The following TCF12 variants were observed in gnomAD, a reference collection of about 807,000 sequenced individuals.
TCF12 encodes the protein transcription factor 12, also known as DNA-binding protein HTF4.
TCF12 carries 45 observed loss-of-function variants against 86.0 expected under a neutral mutation model. The observed-to-expected ratio is 0.52, with a 90% confidence interval of 0.41 to 0.67. The LOEUF (loss-of-function observed/expected upper bound fraction) is 0.67, where lower values mean the gene tolerates loss of function less well. Ranked by LOEUF, TCF12 falls within the 30% of genes least tolerant of loss-of-function variation. TCF12 has a pLI of 0.00. For missense variants in TCF12, 881 were observed against 859.9 expected (o/e 1.02, Z -0.31); for synonymous variants, 330 against 299.6 (o/e 1.10, Z -1.05).
chr15:56,980,205 T>C (rs2062824626), intron 3 of TCF12, among the ~76,000 whole-genome samples: 1 of 152,144 alleles, frequency 6.6e-6, no homozygotes, highest in Non-Finnish European at 1.5e-5. Flanking sequence ...AAAAACAAAT[T>C]ATTTTTTAAA....
intron 4 of TCF12, among the ~76,000 whole-genome samples, chr15:57,085,238 G>A (rs1209081619): frequency 6.6e-6 from 1 of 152,126 alleles, no homozygotes; most frequent in Non-Finnish European, 1.5e-5. Flanking sequence ...TTATGAAGAG[G>A]AATAAAAAGT....
At chr15:57,285,270 AT>A (rs2061885919) in intron 20 of TCF12, among the ~76,000 whole-genome samples, 1 of 152,210 alleles carries the variant, frequency 6.6e-6, no homozygotes, top group Non-Finnish European at 1.5e-5. Context: ...CCCTAAGAGC[AT>A]TGCTGTGTAC....
chr15:56,952,193 C>CAA (rs756231262), intron 3 of TCF12, among the ~76,000 whole-genome samples: 1,756 of 151,722 alleles, frequency 0.012, 32 homozygotes, highest in African/African-American at 0.04. Flanking sequence ...TGTATATACA[C>CAA]ACACACACAC....
intron 5 of TCF12, among the ~76,000 whole-genome samples, chr15:57,160,034 TAAC>T (rs1314049398): frequency 6.6e-6 from 1 of 152,252 alleles, no homozygotes; most frequent in Non-Finnish European, 1.5e-5. Flanking sequence ...TTTCTATTGA[TAAC>T]AACAGAGCAC....
At position 57,270,540 on chromosome 15, in the gene TCF12, C is replaced by T. The variant is rs966641145; in HGVS notation, c.1746-2490C>T. On this transcript the variant is annotated intron_variant, in intron 18 of 20. Transcript: ENST00000333725. ...GCTTGGAGAACAGCTTTCTTATTAC[C>T]GACCTCCTGAAGCCTACTTCTGTCA... Among the ~76,000 whole-genome samples, 5 of 151,988 alleles carry T rather than the reference C, an allele frequency of 3.3e-5. 1 individual carries two copies. Among genetic ancestry groups the T allele is most frequent in the Non-Finnish European group, 5.9e-5 (4 of 67,954 alleles).
chr15:57,172,671 A>G (rs555174121), intron 6 of TCF12, among the ~76,000 whole-genome samples: 44 of 152,178 alleles, frequency 2.9e-4, no homozygotes, highest in African/African-American at 8.7e-4. Flanking sequence ...AAAAATAGCT[A>G]TTGGGTGCTA....
intron 6 of TCF12, among the ~76,000 whole-genome samples, chr15:57,173,450 T>C (rs1158211362): frequency 6.6e-6 from 1 of 151,960 alleles, no homozygotes; most frequent in Admixed American, 6.6e-5. Flanking sequence ...AACCAAAATT[T>C]GGCTATTTGA....
chr15:57,138,021 T>A lies in TCF12; in HGVS notation c.326-28381T>A, dbSNP rs1253176451. On this transcript the variant is annotated intron_variant, in intron 5 of 20. Coordinates refer to ENST00000333725, the MANE Select transcript of TCF12 (RefSeq NM_207037.2). ...TCCAGCCTGGCTGACAGAGTGAGAC[T>A]CTGTCTCAAAAGAAAAAAAAAAAAA... 3.4e-5 allele frequency among the ~76,000 whole-genome samples: 5 copies of A among 145,708 alleles called. No homozygotes were observed. In the East Asian group the frequency reaches 1.0e-3, roughly 29 times the overall value.
intron 3 of TCF12, among the ~76,000 whole-genome samples, chr15:56,927,930 A>G (rs1310700388): frequency 1.3e-5 from 2 of 152,286 alleles, no homozygotes; most frequent in East Asian, 3.9e-4. Context: ...TTGTGCTTGT[A>G]TACAAATGTG....
At chr15:56,929,360 A>G (rs2140249489) in intron 3 of TCF12, among the ~76,000 whole-genome samples, 1 of 152,368 alleles carries the variant, frequency 6.6e-6, no homozygotes, top group East Asian at 1.9e-4. Context: ...AAACTGAAGC[A>G]CAGATAGTTT....
chr15:57,182,100 T>C (rs532349817), intron 6 of TCF12, among the ~76,000 whole-genome samples: 2 of 152,304 alleles, frequency 1.3e-5, no homozygotes, highest in South Asian at 4.1e-4. Context: ...TAGTTCTATA[T>C]CCTCTGGGAT....
chr15:57,162,303 G>A (rs1159669479), intron 5 of TCF12, among the ~76,000 whole-genome samples: 2 of 151,818 alleles, frequency 1.3e-5, no homozygotes, highest in African/African-American at 4.8e-5. Context: ...TCAGATGCCT[G>A]AGATAAAAGA....
At chr15:57,146,764 A>C (rs779698972) in intron 5 of TCF12, among the ~76,000 whole-genome samples, 1 of 152,194 alleles carries the variant, frequency 6.6e-6, no homozygotes, top group Non-Finnish European at 1.5e-5. Context: ...TCACAAATCA[A>C]ATGTGCTCTT....
At chr15:56,958,850 G>A (rs1008192880) in intron 3 of TCF12, among the ~76,000 whole-genome samples, 8 of 152,084 alleles carry the variant, frequency 5.3e-5, no homozygotes, top group Admixed American at 3.3e-4. Context: ...GTGAGACCCT[G>A]TCTCTACCAA....
chr15:57,042,897 G>C (rs551251037), intron 3 of TCF12, among the ~76,000 whole-genome samples: 1 of 152,050 alleles, frequency 6.6e-6, no homozygotes, highest in Non-Finnish European at 1.5e-5. Context: ...CTGAAACTCT[G>C]TCCCTATTGA....
chr15:57,267,877 T>C (rs1234679699), intron 18 of TCF12, among the ~76,000 whole-genome samples: 1 of 152,202 alleles, frequency 6.6e-6, no homozygotes, highest in Non-Finnish European at 1.5e-5. Context: ...TTTCTTCTTC[T>C]CTAAAAGGAG....
chr15:57,195,702 A>G (rs2057227718), intron 7 of TCF12, among the ~76,000 whole-genome samples: 1 of 152,156 alleles, frequency 6.6e-6, no homozygotes, highest in African/African-American at 2.4e-5. Flanking sequence ...CCCAGTCCAA[A>G]GTTAAATGGG....
intron 3 of TCF12, among the ~76,000 whole-genome samples, chr15:56,993,377 T>C (rs575588725): frequency 1.3e-5 from 2 of 152,296 alleles, no homozygotes; most frequent in Non-Finnish European, 2.9e-5. Flanking sequence ...ACAAATCCCA[T>C]TGCTTTTTCT....
At chr15:57,243,597 A>T (rs775859142) in intron 13 of TCF12, 47 bp downstream of exon 13, 2 of 1,424,566 alleles carry the variant, frequency 1.4e-6, no homozygotes, top group South Asian at 2.4e-5. Flanking sequence ...CTACTTGGAA[A>T]TATTTCTAGT....
Sources: allele counts gnomAD v4.1 joint callset (sites outside exome capture counted in the v4.1 genomes callset), GRCh38; gene constraint gnomAD v4.1.1; transcripts MANE v1.5; gene names NCBI Gene and HGNC (gene_info 2026-07-23, HGNC 2026-07-21).